Variants in MCM9 observed in about 807,000 individuals in gnomAD.
MCM9 encodes the protein minichromosome maintenance 9 homologous recombination repair factor, also known as DNA helicase MCM9.
Under a neutral mutation model 72.8 loss-of-function variants are expected in MCM9, and 55 were observed. That is an observed-to-expected ratio of 0.76 (90% CI 0.61 to 0.95). The LOEUF (loss-of-function observed/expected upper bound fraction) is 0.95. Ranked by LOEUF, MCM9 falls within the 40% of genes least tolerant of loss-of-function variation. The pLI is 0.00. For missense variants in MCM9, 1,279 were observed against 1,377.0 expected, an observed-to-expected ratio of 0.93 and a Z score of 1.13; for synonymous variants, 480 against 503.4, an observed-to-expected ratio of 0.95 and a Z score of 0.62.
intron 8 of MCM9, among the ~76,000 whole-genome samples, chr6:118,864,059 A>G (rs1350754648): frequency 6.6e-6 from 1 of 151,176 alleles, no homozygotes; most frequent in Non-Finnish European, 1.5e-5. Context: ...CCCATATTTC[A>G]TTTTATTTTT....
chr6:118,929,157 T>A (rs1782171278), intron 3 of MCM9, among the ~76,000 whole-genome samples: 1 of 152,036 alleles, frequency 6.6e-6, no homozygotes, highest in Admixed American at 6.6e-5. Context: ...GAGGCAGAGG[T>A]TGCAGTGAGA....
chr6:118,824,220 C>T (rs1774014476), intron 13 of MCM9, among the ~76,000 whole-genome samples: 1 of 152,050 alleles, frequency 6.6e-6, no homozygotes, highest in Admixed American at 6.6e-5. Context: ...AAAATTACTA[C>T]TACCTAGCAT....
chr6:118,881,469 C>T (rs934444267), intron 8 of MCM9, among the ~76,000 whole-genome samples: 4 of 152,078 alleles, frequency 2.6e-5, no homozygotes, highest in Non-Finnish European at 5.9e-5. Context: ...AGTCAATGTG[C>T]GGAATTTATT....
intron 8 of MCM9, among the ~76,000 whole-genome samples, chr6:118,874,300 G>T (rs572171768): frequency 1.3e-5 from 2 of 152,088 alleles, no homozygotes; most frequent in African/African-American, 4.8e-5. Context: ...TCAGGCCGTT[G>T]ATAAAACGGC....
intron 3 of MCM9, 114 bp from the exon 4 acceptor site, chr6:118,924,241 A>C: frequency 1.0e-6 from 1 of 974,462 alleles, no homozygotes; most frequent in South Asian, 1.6e-5. Flanking sequence ...GGGAAAAAAA[A>C]GATTGTGTTT....
intron 8 of MCM9, among the ~76,000 whole-genome samples, chr6:118,862,401 A>G (rs1562414530): frequency 6.6e-6 from 1 of 152,246 alleles, no homozygotes; most frequent in African/African-American, 2.4e-5. Context: ...TGCCACCATC[A>G]ATTGTAACAT....
At chr6:118,844,005 T>C (rs1775690702) in intron 9 of MCM9, among the ~76,000 whole-genome samples, 1 of 151,528 alleles carries the variant, frequency 6.6e-6, no homozygotes, top group South Asian at 2.1e-4. Flanking sequence ...TAGATGATGA[T>C]GACTCAGTGA....
At chr6:118,873,219 GAA>G (rs1282408773) in intron 8 of MCM9, among the ~76,000 whole-genome samples, 2 of 82,366 alleles carry the variant, frequency 2.4e-5, no homozygotes, top group Admixed American at 1.3e-4. Flanking sequence ...GAGGGAAAGG[GAA>G]AGGGAAGGGG....
intron 9 of MCM9, among the ~76,000 whole-genome samples, chr6:118,852,951 C>T (rs1050024206): frequency 1.4e-4 from 22 of 152,258 alleles, no homozygotes; most frequent in African/African-American, 4.3e-4. Context: ...GATTCATCCA[C>T]GTTGTTGATT....
At chr6:118,821,368 C>T (rs1429898345) in intron 13 of MCM9, among the ~76,000 whole-genome samples, 2 of 152,090 alleles carry the variant, frequency 1.3e-5, no homozygotes, top group Admixed American at 6.6e-5. Context: ...GATTTTATTT[C>T]TCCTTCACTT....
chr6:118,888,691 C>T (rs1778756877), intron 8 of MCM9, among the ~76,000 whole-genome samples: 1 of 152,080 alleles, frequency 6.6e-6, no homozygotes, highest in African/African-American at 2.4e-5. Context: ...TGTCCATCAA[C>T]TGACAGATAA....
At chr6:118,905,607 A>G in intron 8 of MCM9, 2 of 1,484,980 alleles carry the variant, frequency 1.3e-6, no homozygotes, top group South Asian at 2.7e-5. Flanking sequence ...TGCCACTAAC[A>G]GCCTTTTGTG....
chr6:118,855,291 T>A (rs1166588903), intron 9 of MCM9, among the ~76,000 whole-genome samples: 1 of 152,208 alleles, frequency 6.6e-6, no homozygotes, highest in Admixed American at 6.5e-5. Context: ...TTATAACACT[T>A]CTATTGTGGA....
At chr6:118,931,792 C>A (rs1295227998) in intron 2 of MCM9, 54 bp from the exon 3 acceptor site, 9 of 1,344,872 alleles carry the variant, frequency 6.7e-6, no homozygotes, top group Middle Eastern at 5.1e-4. Context: ...GATGTACACA[C>A]AATTTAACAA....
intron 8 of MCM9, chr6:118,894,127 A>G (rs538645481): frequency 2.5e-5 from 30 of 1,196,136 alleles, no homozygotes; most frequent in Admixed American, 4.1e-5. Flanking sequence ...CTGGCTGCCG[A>G]GGCCCTCGCT....
intron 8 of MCM9, among the ~76,000 whole-genome samples, chr6:118,883,088 A>G (rs994585791): frequency 2.0e-5 from 3 of 151,036 alleles, no homozygotes; most frequent in African/African-American, 7.3e-5. Flanking sequence ...AAAAAAAAAA[A>G]GGGATGATGA....
rs141999253 is a variant in MCM9, at chr6:118,834,959, T to G, written c.1326-5709A>C. On this transcript the variant is annotated intron_variant, in intron 9 of 13. Transcript: ENST00000619706. ...TATGTCCTGAATGCTATCACCTAGG[T>G]TTTCTTCTAGGGTTTTTATGGTTTT... Among the ~76,000 whole-genome samples, 1,181 of 152,244 alleles carry G rather than the reference T, an allele frequency of 7.8e-3. 14 individuals carry two copies. The highest frequency in any genetic ancestry group is 0.028 in the African/African-American group (1,149 of 41,530).
chr6:118,914,576 A>G (rs559673101), intron 6 of MCM9, among the ~76,000 whole-genome samples: 3 of 152,268 alleles, frequency 2.0e-5, no homozygotes, highest in Non-Finnish European at 4.4e-5. Context: ...TGCTGAAGGA[A>G]TCCCTCCCTG....
chr6:118,818,454 T>C (rs1773553032), intron 13 of MCM9, among the ~76,000 whole-genome samples: 1 of 152,236 alleles, frequency 6.6e-6, no homozygotes, highest in Admixed American at 6.5e-5. Flanking sequence ...TGTGGTGTTA[T>C]TTCTGAGGCC....
Sources: gnomAD v4.1 joint callset for allele counts (sites outside exome capture counted in the v4.1 genomes callset) on GRCh38, gnomAD v4.1.1 for gene constraint, MANE v1.5 for transcripts, NCBI Gene and HGNC (gene_info 2026-07-23, HGNC 2026-07-21) for gene names.